Variants in ROBO1 observed in about 807,000 individuals in gnomAD.
ROBO1 encodes the protein roundabout homolog 1.
A neutral mutation model predicts 195.9 loss-of-function variants in ROBO1; 149 were observed. The observed-to-expected ratio is 0.76, with a 90% CI of 0.67 to 0.87. The LOEUF (loss-of-function observed/expected upper bound fraction) is 0.87. Ranked by LOEUF, ROBO1 falls within the 40% of genes least tolerant of loss-of-function variation. The pLI, the probability that ROBO1 is intolerant of heterozygous loss-of-function variation, is 0.00. For missense variants in ROBO1, 1,933 were observed against 2,068.3 expected (o/e 0.93, Z 1.27); for synonymous variants, 816 against 733.2 (o/e 1.11, Z -1.82).
chr3:78,980,595 T>C (rs1419584965), intron 3 of ROBO1, among the ~76,000 whole-genome samples: 1 of 152,190 alleles, frequency 6.6e-6, no homozygotes, highest in East Asian at 1.9e-4. Context: ...AAGTCTGATA[T>C]TCATTTAACA....
intron 2 of ROBO1, among the ~76,000 whole-genome samples, chr3:79,512,577 G>C (rs968609295): frequency 7.2e-5 from 11 of 152,002 alleles, no homozygotes; most frequent in African/African-American, 2.7e-4. Context: ...CTTAAAAAAA[G>C]GAATAAACCA....
chr3:79,292,211 T>A (rs936292644), intron 2 of ROBO1, among the ~76,000 whole-genome samples: 1 of 152,184 alleles, frequency 6.6e-6, no homozygotes, highest in African/African-American at 2.4e-5. Flanking sequence ...GTCTGTGATT[T>A]TTGCACATTG....
chr3:78,672,804 T>A (rs1708141823), intron 10 of ROBO1, among the ~76,000 whole-genome samples: 1 of 152,160 alleles, frequency 6.6e-6, no homozygotes, highest in Non-Finnish European at 1.5e-5. Context: ...TCTAGGATCT[T>A]CTGTTGGAAT....
chr3:79,065,444 A>G (rs1472125645), intron 3 of ROBO1, among the ~76,000 whole-genome samples: 1 of 151,958 alleles, frequency 6.6e-6, no homozygotes, highest in Non-Finnish European at 1.5e-5. Context: ...TTTCCCATGA[A>G]ATATAATTTC....
At chr3:79,483,272 G>A (rs1428095953) in intron 2 of ROBO1, among the ~76,000 whole-genome samples, 1 of 152,216 alleles carries the variant, frequency 6.6e-6, no homozygotes, top group Admixed American at 6.5e-5. Flanking sequence ...ATTCTGTCAT[G>A]ATACAGAGCA....
At chr3:79,461,578 T>C (rs772545750) in intron 2 of ROBO1, among the ~76,000 whole-genome samples, 1 of 152,156 alleles carries the variant, frequency 6.6e-6, no homozygotes, top group African/African-American at 2.4e-5. Context: ...CTGACTCTAA[T>C]TGGTACCACA....
At chr3:78,954,714 T>C (rs976744210) in intron 3 of ROBO1, among the ~76,000 whole-genome samples, 5 of 149,344 alleles carry the variant, frequency 3.3e-5, no homozygotes, top group African/African-American at 7.6e-5. Context: ...GCAATCAATG[T>C]GAATCTGCAC....
At chr3:79,706,304 T>C (rs1947768608) in intron 1 of ROBO1, among the ~76,000 whole-genome samples, 1 of 152,174 alleles carries the variant, frequency 6.6e-6, no homozygotes, top group Non-Finnish European at 1.5e-5. Context: ...AGATACCCTT[T>C]ATCAAGTTGA....
intron 3 of ROBO1, among the ~76,000 whole-genome samples, chr3:79,028,183 G>A (rs1486071876): frequency 6.6e-6 from 1 of 151,790 alleles, no homozygotes; most frequent in African/African-American, 2.4e-5. Flanking sequence ...TAGAGCATTT[G>A]GAAACTGCCA....
intron 1 of ROBO1, among the ~76,000 whole-genome samples, chr3:79,742,412 C>T (rs1703685783): frequency 6.6e-6 from 1 of 152,178 alleles, no homozygotes; most frequent in Non-Finnish European, 1.5e-5. Flanking sequence ...ATGTTTCAGG[C>T]TGCCGCTTCA....
At chr3:79,278,382 A>T (rs1051670117) in intron 2 of ROBO1, among the ~76,000 whole-genome samples, 1 of 151,526 alleles carries the variant, frequency 6.6e-6, no homozygotes, top group Non-Finnish European at 1.5e-5. Flanking sequence ...AAACAAAAAC[A>T]AACAAACAAA....
At chr3:78,882,759 A>G (rs1179167690) in intron 4 of ROBO1, among the ~76,000 whole-genome samples, 2 of 151,816 alleles carry the variant, frequency 1.3e-5, no homozygotes, top group Admixed American at 1.3e-4. Flanking sequence ...CTACTTGGGG[A>G]AAATATTTCT....
intron 1 of ROBO1, among the ~76,000 whole-genome samples, chr3:79,676,206 T>C (rs747196634): frequency 3.0e-4 from 45 of 152,088 alleles, no homozygotes; most frequent in Non-Finnish European, 5.1e-4. Context: ...CCATGATTTA[T>C]ATAATTTTGA....
intron 8 of ROBO1, 116 bp from the exon 9 acceptor site, chr3:78,688,888 C>T: frequency 1.0e-6 from 1 of 991,484 alleles, no homozygotes; most frequent in Non-Finnish European, 1.4e-6. Context: ...TTATGTAAAA[C>T]AGTCATGATA....
chr3:79,604,661 A>G (rs561660453), intron 1 of ROBO1, among the ~76,000 whole-genome samples: 1 of 151,978 alleles, frequency 6.6e-6, no homozygotes, highest in African/African-American at 2.4e-5. Flanking sequence ...CTCAGTACTA[A>G]ATATAAGTTA....
At chr3:78,707,410 A>G (rs1294150497) in intron 8 of ROBO1, among the ~76,000 whole-genome samples, 3 of 152,170 alleles carry the variant, frequency 2.0e-5, no homozygotes, top group Non-Finnish European at 2.9e-5. Flanking sequence ...AGTTGGCATT[A>G]ATACTTAGGG....
intron 1 of ROBO1, among the ~76,000 whole-genome samples, chr3:79,660,441 G>T (rs1013196171): frequency 6.6e-6 from 1 of 152,168 alleles, no homozygotes; most frequent in Middle Eastern, 3.4e-3. Flanking sequence ...GCTACAATGC[G>T]ATCACTCCCA....
At chr3:79,659,153 A>G (rs1465191769) in intron 1 of ROBO1, among the ~76,000 whole-genome samples, 1 of 152,144 alleles carries the variant, frequency 6.6e-6, no homozygotes, top group Non-Finnish European at 1.5e-5. Context: ...AAATTTGTGT[A>G]TATTAACCAT....
intron 2 of ROBO1, among the ~76,000 whole-genome samples, chr3:79,150,480 C>A (rs868368657): frequency 1.3e-5 from 2 of 151,474 alleles, no homozygotes; most frequent in Non-Finnish European, 2.9e-5. Flanking sequence ...ATTTAAAAGA[C>A]AATATTATGG....
Sources: gnomAD v4.1 joint callset for allele counts (sites outside exome capture counted in the v4.1 genomes callset) on GRCh38, gnomAD v4.1.1 for gene constraint, MANE v1.5 for transcripts, NCBI Gene and HGNC (gene_info 2026-07-23, HGNC 2026-07-21) for gene names.